The following ITGA2 variants were observed in gnomAD, a reference collection of about 807,000 sequenced individuals.
ITGA2 encodes the protein integrin alpha-2.
Under a neutral mutation model 146.3 loss-of-function variants are expected in ITGA2, and 101 were observed. The observed-to-expected ratio is 0.69, with a 90% CI of 0.59 to 0.81. ITGA2 has a LOEUF of 0.81. Ranked by LOEUF, ITGA2 falls within the 40% of genes least tolerant of loss-of-function variation. The pLI is 0.00. For synonymous variants in ITGA2, 477 were observed against 487.1 expected (o/e 0.98, Z 0.27); for missense variants, 1,281 against 1,402.7 (o/e 0.91, Z 1.39).
intron 28 of ITGA2, among the ~76,000 whole-genome samples, chr5:53,088,668 A>AG (rs1491156539): frequency 1.4e-5 from 2 of 145,514 alleles, no homozygotes; most frequent in East Asian, 4.0e-4. Context: ...CCTGTATAAC[A>AG]GAGAGAGACT....
At chr5:53,047,614 G>A (rs1228721327) in intron 4 of ITGA2, among the ~76,000 whole-genome samples, 1 of 152,152 alleles carries the variant, frequency 6.6e-6, no homozygotes, top group African/African-American at 2.4e-5. Flanking sequence ...CACAACATTT[G>A]CCCTCTCGAC....
At chr5:53,010,417 C>A (rs1742066855) in intron 1 of ITGA2, among the ~76,000 whole-genome samples, 1 of 152,110 alleles carries the variant, frequency 6.6e-6, no homozygotes, top group Non-Finnish European at 1.5e-5. Context: ...AGGTTGGTGA[C>A]CCTTTTACTC....
chr5:53,080,642 T>A (rs753680164), intron 25 of ITGA2, 21 bp downstream of exon 25: 1 of 1,503,514 alleles, frequency 6.7e-7, no homozygotes, highest in Non-Finnish European at 9.3e-7. Flanking sequence ...AAAAATTGCC[T>A]AAAAATGTGT....
At chr5:53,019,018 C>G (rs950742744) in intron 1 of ITGA2, among the ~76,000 whole-genome samples, 1 of 151,892 alleles carries the variant, frequency 6.6e-6, no homozygotes, top group African/African-American at 2.4e-5. Flanking sequence ...GAGCGGAGAT[C>G]GTGCCATTGC....
chr5:53,000,805 G>A lies in ITGA2; in HGVS notation c.64+11273G>A, dbSNP rs774275982. Among the ~76,000 whole-genome samples the A allele has an allele frequency of 3.3e-4, 50 of 150,276 alleles. 1 individual carries two copies. Among genetic ancestry groups the A allele is most frequent in the Non-Finnish European group, 6.8e-4 (46 of 67,788 alleles). ...TGGTGCCTGCTTATCTTAGCTAGACGTTATATTAGAAAAAATTATTTGACA... is the reference window on the plus strand; with the variant it reads ...TGGTGCCTGCTTATCTTAGCTAGACATTATATTAGAAAAAATTATTTGACA... On this transcript the variant is annotated intron_variant, in intron 1 of 29. Transcript: ENST00000296585.
intron 28 of ITGA2, 109 bp downstream of exon 28, chr5:53,087,150 T>C (rs1746197527): frequency 1.3e-6 from 1 of 788,464 alleles, no homozygotes; most frequent in African/African-American, 1.7e-5. Flanking sequence ...AGAAGTATCT[T>C]ACTAAAACTT....
intron 1 of ITGA2, among the ~76,000 whole-genome samples, chr5:53,013,605 A>G (rs1047503616): frequency 9.2e-5 from 14 of 152,044 alleles, no homozygotes; most frequent in African/African-American, 2.4e-4. Context: ...TTTTGATTCC[A>G]TATGAATTAG....
chr5:53,040,130 A>G (rs1249184543), intron 2 of ITGA2, among the ~76,000 whole-genome samples: 1 of 152,184 alleles, frequency 6.6e-6, no homozygotes, highest in Non-Finnish European at 1.5e-5. Context: ...CAGGCAAGAA[A>G]CAGCATGTAT....
chr5:53,078,554 C>G (rs1745765566), intron 23 of ITGA2, among the ~76,000 whole-genome samples: 1 of 152,056 alleles, frequency 6.6e-6, no homozygotes, highest in South Asian at 2.1e-4. Context: ...AGCAGAAAAT[C>G]CACAAAGAAA....
At chr5:53,075,892 A>C (rs1051098576) in intron 23 of ITGA2, among the ~76,000 whole-genome samples, 1 of 151,976 alleles carries the variant, frequency 6.6e-6, no homozygotes, top group Admixed American at 6.6e-5. Context: ...TTTCCAAAGG[A>C]TGTTATCCAT....
chr5:53,065,081 G>C lies in ITGA2; in HGVS notation c.1772G>C (p.Gly591Ala). 6.2e-7 allele frequency: 1 copy of C among 1,612,704 alleles called. No individual in the cohort carries two copies. Among genetic ancestry groups the C allele is most frequent in the Non-Finnish European group, 8.5e-7 (1 of 1,179,124 alleles). The change falls in exon 14 of 30, where the codon GGT (glycine) becomes GCT (alanine). Residue 591 changes from glycine (G) to alanine (A), a missense_variant. Coordinates refer to ENST00000296585, the MANE Select transcript of ITGA2 (RefSeq NM_002203.4). ...TCTGGAGCTGTATACATTTACAATG[G>C]TCATCAGGGCACTATCCGCACAAAG... ...QNSGAVYIYN[G>A]HQGTIRTKYS...
chr5:52,995,205 A>G (rs1741175301), intron 1 of ITGA2, among the ~76,000 whole-genome samples: 1 of 152,198 alleles, frequency 6.6e-6, no homozygotes, highest in Admixed American at 6.5e-5. Flanking sequence ...CTTGTAAGTC[A>G]TGATATAGAG....
chr5:53,074,586 C>A (rs1745572483), intron 21 of ITGA2, 109 bp downstream of exon 21: 11 of 834,218 alleles, frequency 1.3e-5, no homozygotes, highest in Non-Finnish European at 2.3e-5. Flanking sequence ...CACAAAATAA[C>A]TAGCTGCATA....
intron 28 of ITGA2, among the ~76,000 whole-genome samples, chr5:53,087,242 C>T (rs1746202321): frequency 6.6e-6 from 1 of 152,160 alleles, no homozygotes; most frequent in South Asian, 2.1e-4. Flanking sequence ...TTGCCTTCCT[C>T]CATGCCCCCC....
At chr5:52,998,483 A>G (rs149896626) in intron 1 of ITGA2, among the ~76,000 whole-genome samples, 187 of 152,146 alleles carry the variant, frequency 1.2e-3, no homozygotes, top group African/African-American at 4.4e-3. Context: ...ACAAACAAAC[A>G]AAAAAGGCAG....
intron 2 of ITGA2, among the ~76,000 whole-genome samples, chr5:53,031,798 G>A (rs1267599753): frequency 2.0e-5 from 3 of 152,164 alleles, no homozygotes; most frequent in East Asian, 1.9e-4. Context: ...TTCTCTTTTC[G>A]GTGTAGGCGG....
At chr5:53,065,185 T>C (rs41355453) in intron 14 of ITGA2, 70 bp downstream of exon 14, 2 of 1,433,968 alleles carry the variant, frequency 1.4e-6, no homozygotes, top group Non-Finnish European at 9.8e-7. Flanking sequence ...GAAAGCGTCA[T>C]GTAAACCATG....
At chr5:53,032,977 G>A (rs2111843500) in intron 2 of ITGA2, among the ~76,000 whole-genome samples, 1 of 152,152 alleles carries the variant, frequency 6.6e-6, no homozygotes, top group East Asian at 1.9e-4. Flanking sequence ...TAAAAGTAAA[G>A]CACTTCAGGG....
intron 7 of ITGA2, among the ~76,000 whole-genome samples, chr5:53,053,747 A>G (rs987873153): frequency 3.9e-5 from 6 of 152,082 alleles, no homozygotes; most frequent in African/African-American, 1.4e-4. Context: ...CCCTCCTAGA[A>G]TGTAATTGCC....
Sources: gnomAD v4.1 joint callset for allele counts (sites outside exome capture counted in the v4.1 genomes callset) on GRCh38, gnomAD v4.1.1 for gene constraint, MANE v1.5 for transcripts, NCBI Gene and HGNC (gene_info 2026-07-23, HGNC 2026-07-21) for gene names.